The following TBC1D32 variants were observed in gnomAD, a reference collection of about 807,000 sequenced individuals.
TBC1D32 encodes the protein protein broad-minded.
Under a neutral mutation model 170.3 loss-of-function variants are expected in TBC1D32, and 151 were observed. That is an observed-to-expected ratio of 0.89 (90% confidence interval 0.78 to 1.01). The LOEUF (loss-of-function observed/expected upper bound fraction) is 1.01, where lower values mean the gene tolerates loss of function less well. Ranked by LOEUF, TBC1D32 falls within the 50% of genes least tolerant of loss-of-function variation. The probability of loss-of-function intolerance (pLI) is 0.00; values close to 1 mark genes in which losing one functional copy is unlikely to be tolerated. For synonymous variants in TBC1D32, 498 were observed against 488.0 expected (o/e 1.02, Z -0.27); for missense variants, 1,464 against 1,457.1 (o/e 1.00, Z -0.08).
At position 121,301,561 on chromosome 6, in the gene TBC1D32, T is replaced by C. The variant is rs114695432; in HGVS notation, c.1080+2056A>G. Among the ~76,000 whole-genome samples, 868 of 152,056 alleles carry C rather than the reference T, an allele frequency of 5.7e-3. 9 individuals are homozygous for C. The highest frequency in any genetic ancestry group is 0.02 in the African/African-American group (826 of 41,486). Reference sequence around the variant, plus strand: ...TGGGGGTGGGGTGCTAGGGGATGGATAGCATTAGGAAAAATACCTAATGTA... The same window carrying C: ...TGGGGGTGGGGTGCTAGGGGATGGACAGCATTAGGAAAAATACCTAATGTA... On this transcript the variant is annotated intron_variant, in intron 9 of 31. Transcript: ENST00000398212.
At chr6:121,255,899 G>A (rs1798941579) in intron 16 of TBC1D32, among the ~76,000 whole-genome samples, 185 bp downstream of exon 16, 1 of 152,074 alleles carries the variant, frequency 6.6e-6, no homozygotes, top group Non-Finnish European at 1.5e-5. Flanking sequence ...TGTCCCACTG[G>A]GAAAGGAAAT....
intron 1 of TBC1D32, among the ~76,000 whole-genome samples, chr6:121,330,284 T>C (rs1477310879): frequency 6.6e-6 from 1 of 152,180 alleles, no homozygotes; most frequent in Admixed American, 6.5e-5. Context: ...TCTGCCCACC[T>C]CGACTTCTCA....
At chr6:121,175,240 T>C (rs1424106493) in intron 22 of TBC1D32, among the ~76,000 whole-genome samples, 1 of 152,104 alleles carries the variant, frequency 6.6e-6, no homozygotes, top group Non-Finnish European at 1.5e-5. Flanking sequence ...ATAATGAAAA[T>C]GACTGTCAGT....
At chr6:121,269,533 A>G (rs1801049828) in intron 15 of TBC1D32, among the ~76,000 whole-genome samples, 1 of 152,232 alleles carries the variant, frequency 6.6e-6, no homozygotes, top group Non-Finnish European at 1.5e-5. Flanking sequence ...ACATAATGGT[A>G]AAGGGATCAA....
intron 30 of TBC1D32, among the ~76,000 whole-genome samples, chr6:121,100,665 C>T (rs1351288094): frequency 6.6e-6 from 1 of 151,840 alleles, no homozygotes; most frequent in Admixed American, 6.6e-5. Context: ...CCTAACATCA[C>T]AATTAAAAGA....
At chr6:121,239,682 T>C (rs1358961467) in intron 19 of TBC1D32, among the ~76,000 whole-genome samples, 3 of 152,154 alleles carry the variant, frequency 2.0e-5, no homozygotes, top group Admixed American at 2.0e-4. Flanking sequence ...TTCCATACAC[T>C]AAGAAGAATT....
chr6:121,269,172 A>G (rs988251292), intron 15 of TBC1D32, among the ~76,000 whole-genome samples: 2 of 152,216 alleles, frequency 1.3e-5, no homozygotes, highest in Non-Finnish European at 2.9e-5. Context: ...CAACTTGTAC[A>G]GACCATCGAG....
At chr6:121,082,702 T>C (rs1775765979) in intron 31 of TBC1D32, among the ~76,000 whole-genome samples, 1 of 152,008 alleles carries the variant, frequency 6.6e-6, no homozygotes. Context: ...ATTGTTTCAC[T>C]TTAATAAAAA....
chr6:121,275,807 T>C (rs570329027), intron 15 of TBC1D32, among the ~76,000 whole-genome samples: 1 of 152,112 alleles, frequency 6.6e-6, no homozygotes, highest in African/African-American at 2.4e-5. Context: ...TGATAACCCA[T>C]AAAATCTTTA....
intron 15 of TBC1D32, among the ~76,000 whole-genome samples, chr6:121,256,513 A>G (rs1209251998): frequency 2.0e-5 from 3 of 152,158 alleles, no homozygotes; most frequent in Non-Finnish European, 4.4e-5. Flanking sequence ...AAAACTTTAC[A>G]ATGAAAAGAT....
chr6:121,312,326 A>AT (rs1563359099), intron 3 of TBC1D32, among the ~76,000 whole-genome samples: 1 of 152,006 alleles, frequency 6.6e-6, no homozygotes, highest in Admixed American at 6.6e-5. Flanking sequence ...TAACCTGCAC[A>AT]TTCTGCACAT....
intron 30 of TBC1D32, chr6:121,096,205 C>T (rs1239036430): frequency 6.6e-6 from 1 of 152,056 alleles, no homozygotes; most frequent in East Asian, 1.9e-4. Context: ...TCTAGATTTT[C>T]TAGTTTATTT....
rs747477432 is a variant in TBC1D32, at chr6:121,256,200, G to A, written c.1819C>T (p.Pro607Ser). 12 of 1,613,702 alleles carry A rather than the reference G, an allele frequency of 7.4e-6. No individual in the cohort carries two copies. In the East Asian group the frequency reaches 2.7e-4, roughly 36 times the overall value. ...GAAATAAAAGCTCCTTTAACCACAG[G>A]CAACATTTCTGATCCAGAAAATATA... ...ISIFSGSEMLPVVKGAFISVC... is the reference protein window; with the variant it reads ...ISIFSGSEMLSVVKGAFISVC... The change falls in exon 16 of 32, where the codon CCT (proline) becomes TCT (serine). Residue 607 changes from proline to serine, a missense_variant. Around this residue, in one of 3 missense-constraint regions of TBC1D32, gnomAD observed 1,363 missense variants for 1,338.1 expected, o/e 1.02. Coordinates refer to ENST00000398212, the MANE Select transcript of TBC1D32 (RefSeq NM_152730.6).
intron 20 of TBC1D32, among the ~76,000 whole-genome samples, chr6:121,229,898 G>C (rs1247500723): frequency 6.6e-6 from 1 of 152,004 alleles, no homozygotes; most frequent in Non-Finnish European, 1.5e-5. Context: ...CCATGATAGT[G>C]AGTTCTCCTG....
intron 22 of TBC1D32, among the ~76,000 whole-genome samples, chr6:121,196,089 G>A (rs974957489): frequency 6.6e-6 from 1 of 152,148 alleles, no homozygotes; most frequent in Non-Finnish European, 1.5e-5. Flanking sequence ...TCCCATATGA[G>A]TGCTCACCAA....
chr6:121,104,601 G>GA (rs1249266439), intron 30 of TBC1D32, among the ~76,000 whole-genome samples: 1 of 151,270 alleles, frequency 6.6e-6, no homozygotes, highest in Non-Finnish European at 1.5e-5. Context: ...CACAAGTCTA[G>GA]AAAAAATATA....
chr6:121,110,723 T>G (rs1240371496), intron 29 of TBC1D32, among the ~76,000 whole-genome samples: 1 of 151,620 alleles, frequency 6.6e-6, no homozygotes, highest in Non-Finnish European at 1.5e-5. Flanking sequence ...TTACTGAATG[T>G]ACTATCAAGT....
At chr6:121,240,160 T>C (rs1357956746) in intron 19 of TBC1D32, among the ~76,000 whole-genome samples, 4 of 152,084 alleles carry the variant, frequency 2.6e-5, no homozygotes, top group Admixed American at 6.6e-5. Context: ...TTCCTCCTTC[T>C]GTCCTTTGAA....
At chr6:121,236,499 C>A (rs1196117395) in intron 20 of TBC1D32, among the ~76,000 whole-genome samples, 2 of 151,776 alleles carry the variant, frequency 1.3e-5, no homozygotes, top group African/African-American at 4.8e-5. Context: ...ATTTAAAAGA[C>A]CAAATTAGAT....
Sources: allele counts gnomAD v4.1 joint callset (sites outside exome capture counted in the v4.1 genomes callset), GRCh38; gene constraint gnomAD v4.1.1; regional missense constraint gnomAD v4.1.1; transcripts MANE v1.5; gene names NCBI Gene and HGNC (gene_info 2026-07-23, HGNC 2026-07-21).